APC: variants seen among roughly 807,000 people sequenced by gnomAD.
APC encodes the protein adenomatous polyposis coli protein.
Under a neutral mutation model 247.0 loss-of-function variants are expected in APC, and 72 were observed. The ratio of observed to expected loss-of-function variants is 0.29; its 90% CI spans 0.24 to 0.35. The LOEUF (loss-of-function observed/expected upper bound fraction) is 0.35, where lower values mean the gene tolerates loss of function less well. Among genes scored for constraint, APC ranks in the 10% least tolerant of loss-of-function variants. APC has a pLI of 1.00. For missense variants in APC, 3,400 were observed against 3,360.7 expected (o/e 1.01, Z -0.29); for synonymous variants, 1,254 against 1,162.5 (o/e 1.08, Z -1.60).
At chr5:112,750,188 C>G (rs1423198792) in intron 1 of APC, among the ~76,000 whole-genome samples, 1 of 151,938 alleles carries the variant, frequency 6.6e-6, no homozygotes, top group African/African-American at 2.4e-5. Flanking sequence ...GTCTTGAACT[C>G]CTGACCTCAA....
rs1004701019 is a variant in APC at position 112,841,045 on chromosome 5, A to G, written c.5451A>G (p.Lys1817=). The G allele has an allele frequency of 3.1e-6, 5 of 1,611,814 alleles. No homozygotes were observed. Among genetic ancestry groups the G allele is most frequent in the Non-Finnish European group, 4.2e-6 (5 of 1,178,080 alleles). Residue 1817 remains lysine (K), a synonymous_variant, in exon 16 of 16, where the codon AAA becomes AAG. Transcript: ENST00000257430. The surrounding 1 kb of genome is among the most constrained non-coding windows in gnomAD (Gnocchi z 4.6). ...AAGATTCAAAGAAACAGAATTTGAA[A>G]AATAATTCCAAGGTCTTCAATGATA... ...DNKDSKKQNL[K]NNSKVFNDKL...
In APC at chr5:112,845,327, A is replaced by G. The variant is rs988907481; in HGVS notation, c.*1201A>G. Reference sequence around the variant, plus strand: ...GCCTAGCACAGACTAAGCATTGAGCATAATAGGCCCACATAATTTCCTCTT... The same window carrying G: ...GCCTAGCACAGACTAAGCATTGAGCGTAATAGGCCCACATAATTTCCTCTT... On this transcript the variant is annotated 3_prime_UTR_variant, in exon 16 of 16. Coordinates refer to ENST00000257430, the MANE Select transcript of APC (RefSeq NM_000038.6). The G allele has an allele frequency of 4.3e-6, 1 of 232,738 alleles. No homozygotes were observed. Among genetic ancestry groups the G allele is most frequent in the Admixed American group, 5.6e-5 (1 of 17,760 alleles). The allele number at this position is 232,738 out of a possible 1,614,324, so 14.4% of individuals were successfully genotyped here.
rs2150000134 is a variant in APC, at chr5:112,843,751, A to G, written c.8157A>G (p.Glu2719=). Residue 2719 remains glutamate (E), a synonymous_variant, in exon 16 of 16, where the codon GAA becomes GAG. Transcript: ENST00000257430. This position sits in a 1 kb window ranked among gnomAD's most constrained non-coding sequence, Gnocchi z 4.8. ...GSVPMRTVGL[E]NRLNSFIQVD... ...TTCCCATGCGTACCGTGGGTTTGGA[A>G]AATCGCCTGAACTCCTTTATTCAGG... The G allele has an allele frequency of 6.2e-7, 1 of 1,614,062 alleles. No homozygotes were observed. Among genetic ancestry groups the G allele is most frequent in the Non-Finnish European group, 8.5e-7 (1 of 1,179,934 alleles).
Position 112,775,542 on chromosome 5 carries a change from T to G in APC, c.423-87T>G. 6.5e-6 allele frequency: 5 copies of G among 768,832 alleles called. No individual in the cohort carries two copies. The South Asian group carries it at 8.5e-5, about 13-fold the overall frequency. The allele number at this position is 768,832 out of a possible 1,614,324, so 47.6% of individuals were successfully genotyped here. A position where few individuals can be genotyped will look rare whatever the true frequency, so the allele number is the denominator to read the frequency against. On this transcript the variant is annotated intron_variant, in intron 4 of 15. Transcript: ENST00000257430. ...TATTAGCACTTTAGGTAGAGAAGTT[T>G]GCAATAACAACTGATGTAAGTATTG...
rs2149880710 is a variant in APC, at chr5:112,838,535, C to T, written c.2941C>T (p.Pro981Ser). The change falls in exon 16 of 16, where the codon CCC becomes TCC. Residue 981 changes from proline (P) to serine (S), a missense_variant. Transcript: ENST00000257430. ...DGYGKRGQMK[P>S]SIESYSEDDE... ...TTATGGTAAAAGAGGTCAAATGAAA[C>T]CCTCGATTGAATCCTATTCTGAAGA... The T allele has an allele frequency of 6.2e-7, 1 of 1,614,096 alleles. No individual in the cohort carries two copies. Among genetic ancestry groups the T allele is most frequent in the East Asian group, 2.2e-5 (1 of 44,880 alleles).
chr5:112,748,783 A>T (rs1016394221), intron 1 of APC, among the ~76,000 whole-genome samples: 3 of 152,176 alleles, frequency 2.0e-5, no homozygotes, highest in Admixed American at 2.0e-4. Flanking sequence ...ACTGCACTCC[A>T]GCCTGGGCAA....
In APC at chr5:112,838,546, A is replaced by G. The variant is rs772562489; in HGVS notation, c.2952A>G (p.Glu984=). 5 of 1,614,236 alleles carry G rather than the reference A, an allele frequency of 3.1e-6. No individual in the cohort carries two copies. The highest frequency in any genetic ancestry group is 4.5e-5 in the East Asian group (2 of 44,884). Residue 984 remains glutamate, a synonymous_variant, in exon 16 of 16, where the codon GAA becomes GAG. Transcript: ENST00000257430. ...GAGGTCAAATGAAACCCTCGATTGAATCCTATTCTGAAGATGATGAAAGTA... is the reference window on the plus strand; with the variant it reads ...GAGGTCAAATGAAACCCTCGATTGAGTCCTATTCTGAAGATGATGAAAGTA... The part of the protein sequence containing the change: ...GKRGQMKPSI[E]SYSEDDESKF...
chr5:112,708,034 G>A (rs1381405071), intron 1 of APC, among the ~76,000 whole-genome samples: 1 of 152,138 alleles, frequency 6.6e-6, no homozygotes, highest in Non-Finnish European at 1.5e-5. Flanking sequence ...TCCCCATTCA[G>A]GCCTCCAGTT....
Position 112,838,260 on chromosome 5 carries a change from A to G in APC, c.2666A>G (p.Lys889Arg), listed in dbSNP as rs1350986347. The G allele has an allele frequency of 2.5e-6, 4 of 1,614,102 alleles. No homozygotes were observed. The highest frequency in any genetic ancestry group is 2.2e-5 in the South Asian group (2 of 91,094). The change falls in exon 16 of 16, where the codon AAA becomes AGA. Residue 889 changes from lysine (K) to arginine (R), a missense_variant. Lys to Arg is a conservative substitution (Grantham distance 26). Transcript: ENST00000257430. ...QISTTAAQIA[K>R]VMEEVSAIHT... ...TCCACCACTGCAGCCCAGATTGCCA[A>G]AGTCATGGAAGAAGTGTCAGCCATT...
intron 1 of APC, among the ~76,000 whole-genome samples, chr5:112,710,408 A>G (rs1750780387): frequency 6.6e-6 from 1 of 152,140 alleles, no homozygotes; most frequent in Admixed American, 6.5e-5. Flanking sequence ...TTATATATAT[A>G]TATCTCAGAG....
intron 8 of APC, chr5:112,810,073 C>G (rs145549542): frequency 8.9e-6 from 4 of 450,996 alleles, no homozygotes; most frequent in Admixed American, 4.8e-5. Context: ...GAGAAAAGAT[C>G]GTTAACTGAT....
intron 11 of APC, among the ~76,000 whole-genome samples, chr5:112,826,586 T>TAA (rs554969279): frequency 6.0e-5 from 5 of 82,968 alleles, no homozygotes; most frequent in Non-Finnish European, 8.3e-5. Flanking sequence ...TCATTTTTTG[T>TAA]AAAAAAAAAA....
chr5:112,814,609 C>T (rs866013216), intron 8 of APC, among the ~76,000 whole-genome samples: 5 of 152,164 alleles, frequency 3.3e-5, no homozygotes, highest in African/African-American at 2.4e-5. Flanking sequence ...GCCCTCAGAA[C>T]CACTCAACTG....
chr5:112,784,178 A>G (rs1580392775), intron 6 of APC, among the ~76,000 whole-genome samples: 1 of 151,938 alleles, frequency 6.6e-6, no homozygotes, highest in East Asian at 1.9e-4. Flanking sequence ...AGCGATTCTC[A>G]TGCCTGAGCC....
rs1367937646 is a variant in APC at position 112,819,291 on chromosome 5, G to C, written c.1259G>C (p.Cys420Ser). The change falls in exon 10 of 16, where the codon TGT becomes TCT. Residue 420 changes from cysteine to serine, a missense_variant. By Grantham distance (112) the Cys-to-Ser change is moderately radical. Transcript: ENST00000257430. ...CAGATACGCGCTTACTGTGAAACCT[G>C]TTGGGAGTGGCAGGAAGCTCATGAA... The part of the protein sequence containing the change: ...LEQIRAYCET[C>S]WEWQEAHEPG... The C allele has an allele frequency of 6.2e-7, 1 of 1,614,070 alleles. No homozygotes were observed. The highest frequency in any genetic ancestry group is 8.5e-7 in the Non-Finnish European group (1 of 1,179,972).
At chr5:112,834,879 T>A in intron 14 of APC, 72 bp from the exon 15 acceptor site, 1 of 1,316,996 alleles carries the variant, frequency 7.6e-7, no homozygotes, top group Admixed American at 1.7e-5. Context: ...TTATTCAATA[T>A]CAGTAACATA....
upstream of APC, among the ~76,000 whole-genome samples, chr5:112,732,977 T>C (rs905267670): frequency 6.6e-6 from 1 of 152,242 alleles, no homozygotes; most frequent in Non-Finnish European, 1.5e-5. Context: ...ATTCCCATTT[T>C]ATAGATGAAG....
intron 9 of APC, among the ~76,000 whole-genome samples, chr5:112,818,165 C>G (rs943051726): frequency 7.9e-5 from 12 of 152,194 alleles, no homozygotes; most frequent in Non-Finnish European, 1.3e-4. Flanking sequence ...AGTTGAGAAC[C>G]ATTGACTTAT....
rs1766980928 is a variant in APC at position 112,846,176 on chromosome 5, G to C, written c.*2050G>C. 4.3e-6 allele frequency: 1 copy of C among 231,668 alleles called. No individual in the cohort carries two copies. The highest frequency in any genetic ancestry group is 1.8e-4 in the South Asian group (1 of 5,520). 14.4% of individuals were successfully genotyped at this position (231,668 alleles called of 1,614,324 possible). On this transcript the variant is annotated 3_prime_UTR_variant, in exon 16 of 16. Transcript: ENST00000257430. ...TTTTTGCCAAATGTTATCTGAAATT[G>C]TCTATGAATACCATCTACTTCTGTT... is the stretch of plus-strand genomic sequence containing the variant.
Sources: allele counts gnomAD v4.1 joint callset (sites outside exome capture counted in the v4.1 genomes callset), GRCh38; gene constraint gnomAD v4.1.1; non-coding constraint Gnocchi (gnomAD v3.1); transcripts MANE v1.5; gene names NCBI Gene and HGNC (gene_info 2026-07-23, HGNC 2026-07-21).